RALYL: variants seen among roughly 807,000 people sequenced by gnomAD.
The protein encoded by RALYL is RALY RNA binding protein like, also known as RNA-binding Raly-like protein.
In RALYL, 29 loss-of-function variants were observed where a neutral mutation model predicts 35.1. The ratio of observed to expected loss-of-function variants is 0.83; its 90% CI spans 0.61 to 1.13. The LOEUF (loss-of-function observed/expected upper bound fraction) is 1.13, where lower values mean the gene tolerates loss of function less well. Ranked by LOEUF, RALYL falls within the 50% of genes most tolerant of loss-of-function variation. The probability of loss-of-function intolerance (pLI) is 0.00; values close to 1 mark genes in which losing one functional copy is unlikely to be tolerated. For missense variants in RALYL, 359 were observed against 360.4 expected (o/e 1.00, Z 0.03); for synonymous variants, 120 against 127.6 (o/e 0.94, Z 0.40).
intron 1 of RALYL, among the ~76,000 whole-genome samples, chr8:84,283,016 A>G (rs959164894): frequency 6.6e-6 from 1 of 151,924 alleles, no homozygotes; most frequent in Non-Finnish European, 1.5e-5. Flanking sequence ...CAATAATTAG[A>G]ATAATTATAA....
chr8:84,439,938 A>C (rs2048156870), intron 1 of RALYL, among the ~76,000 whole-genome samples: 1 of 152,112 alleles, frequency 6.6e-6, no homozygotes, highest in Non-Finnish European at 1.5e-5. Context: ...AAACCCTTTT[A>C]ACTAGTGTAA....
chr8:84,735,005 TTGTGTG>T (rs3068131), intron 2 of RALYL, among the ~76,000 whole-genome samples: 4,706 of 146,538 alleles, frequency 0.032, 231 homozygotes, highest in African/African-American at 0.11. Context: ...ATAGATATGT[TTGTGTG>T]TGTGTGTGTG....
At chr8:84,794,968 C>T (rs1041920649) in intron 3 of RALYL, among the ~76,000 whole-genome samples, 1 of 152,168 alleles carries the variant, frequency 6.6e-6, no homozygotes, top group Non-Finnish European at 1.5e-5. Context: ...TGGTTGATAC[C>T]ACAGCCATCC....
chr8:84,864,724 G>C, intron 6 of RALYL: 1 of 567,368 alleles, frequency 1.8e-6, no homozygotes, highest in South Asian at 1.6e-5. Context: ...AGATACTTGA[G>C]TCAGGGAGCT....
chr8:84,210,350 A>G (rs1291173770), intron 1 of RALYL, among the ~76,000 whole-genome samples: 1 of 151,700 alleles, frequency 6.6e-6, no homozygotes, highest in Admixed American at 6.6e-5. Flanking sequence ...AATAATGTTT[A>G]ATACATTATA....
In RALYL at chr8:84,864,027, A is replaced by G. The variant is rs535833204; in HGVS notation, c.571+1574A>G. ...TTATTTCTTACATTGGAAAAAATAA[A>G]CCATGAAGGGACTTTTATAGAAAGA... On this transcript the variant is annotated intron_variant, in intron 6 of 8. Transcript: ENST00000521268. Among the ~76,000 whole-genome samples the G allele has an allele frequency of 4.6e-5, 7 of 152,344 alleles. No homozygotes were observed. The East Asian group carries it at 1.3e-3, about 29-fold the overall frequency.
At chr8:84,326,500 G>A (rs1160029593) in intron 1 of RALYL, among the ~76,000 whole-genome samples, 1 of 152,114 alleles carries the variant, frequency 6.6e-6, no homozygotes, top group Non-Finnish European at 1.5e-5. Flanking sequence ...GTAGACAGTT[G>A]AAATATTATT....
At chr8:84,635,948 CTTT>C (rs1564284238) in intron 2 of RALYL, among the ~76,000 whole-genome samples, 1 of 151,694 alleles carries the variant, frequency 6.6e-6, no homozygotes. Flanking sequence ...AACCCCTTGG[CTTT>C]TTGAACTTCT....
chr8:84,186,515 A>G (rs182520943), intron 1 of RALYL, among the ~76,000 whole-genome samples: 26 of 152,318 alleles, frequency 1.7e-4, no homozygotes, highest in Admixed American at 1.5e-3. Flanking sequence ...GCAAGCAAGA[A>G]CTTGAATGAT....
intron 4 of RALYL, among the ~76,000 whole-genome samples, chr8:84,846,555 C>A (rs993194796): frequency 1.1e-4 from 16 of 152,268 alleles, no homozygotes; most frequent in African/African-American, 3.8e-4. Context: ...GTCTCTCCTC[C>A]TTGACTTTTT....
chr8:84,486,450 C>T (rs1392498034), intron 1 of RALYL, among the ~76,000 whole-genome samples: 4 of 151,642 alleles, frequency 2.6e-5, no homozygotes, highest in Non-Finnish European at 5.9e-5. Context: ...CAGCTTTAAC[C>T]TCTGCATACT....
chr8:84,266,280 C>T lies in RALYL; in HGVS notation c.-24+81856C>T, dbSNP rs544595770. The stretch of plus-strand genomic sequence containing the variant: ...TGTATTTACTTCCTGGCATACTTTG[C>T]GAATTCAAACCCTAGTTCTCTTTTG... On this transcript the variant is annotated intron_variant, in intron 1 of 8. Transcript: ENST00000521268. Among the ~76,000 whole-genome samples, 26 of 151,986 alleles carry T rather than the reference C, an allele frequency of 1.7e-4. No individual in the cohort carries two copies. The East Asian group carries it at 4.7e-3, about 27-fold the overall frequency.
intron 1 of RALYL, among the ~76,000 whole-genome samples, chr8:84,196,425 A>T (rs554450287): frequency 6.6e-5 from 10 of 152,376 alleles, no homozygotes; most frequent in African/African-American, 1.9e-4. Context: ...AAGACATATT[A>T]AAAAAGTTAA....
chr8:84,468,025 G>A (rs2051993308), intron 1 of RALYL, among the ~76,000 whole-genome samples: 2 of 145,530 alleles, frequency 1.4e-5, no homozygotes, highest in African/African-American at 5.2e-5. Flanking sequence ...TTTATTTTGA[G>A]CCTATGTGTG....
chr8:84,310,690 A>G (rs997455188), intron 1 of RALYL, among the ~76,000 whole-genome samples: 3 of 152,218 alleles, frequency 2.0e-5, no homozygotes, highest in Non-Finnish European at 2.9e-5. Context: ...GTGGATTGTC[A>G]TAACAGCATT....
At chr8:84,766,720 C>CAAAAAAA (rs751821694) in intron 2 of RALYL, among the ~76,000 whole-genome samples, 1 of 18,016 alleles carries the variant, frequency 5.6e-5, no homozygotes, top group Non-Finnish European at 1.0e-4. Context: ...GAGACTGTCT[C>CAAAAAAA]AAAAAAAAAA....
At chr8:84,582,350 G>A (rs994532035) in intron 2 of RALYL, among the ~76,000 whole-genome samples, 1 of 151,796 alleles carries the variant, frequency 6.6e-6, no homozygotes, top group African/African-American at 2.4e-5. Flanking sequence ...ACTCATTTTT[G>A]TTTAAATTAT....
At chr8:84,234,761 A>G (rs1405741247) in intron 1 of RALYL, among the ~76,000 whole-genome samples, 1 of 137,044 alleles carries the variant, frequency 7.3e-6, no homozygotes, top group African/African-American at 3.1e-5. Context: ...AATTTTATTT[A>G]TTTATTTATT....
At chr8:84,704,599 G>T (rs1487086129) in intron 2 of RALYL, among the ~76,000 whole-genome samples, 1 of 152,078 alleles carries the variant, frequency 6.6e-6, no homozygotes, top group Admixed American at 6.6e-5. Context: ...AGAAATGTAT[G>T]TTCTAATAGG....
Sources: gnomAD v4.1 joint callset for allele counts (sites outside exome capture counted in the v4.1 genomes callset) on GRCh38, gnomAD v4.1.1 for gene constraint, MANE v1.5 for transcripts, NCBI Gene and HGNC (gene_info 2026-07-23, HGNC 2026-07-21) for gene names.